AUP1: variants seen among roughly 807,000 people sequenced by gnomAD.
AUP1 encodes lipid droplet-regulating VLDL assembly factor AUP1.
AUP1 carries 30 observed loss-of-function variants against 51.8 expected under a neutral mutation model. The observed-to-expected ratio is 0.58, with a 90% CI of 0.43 to 0.79. The LOEUF (loss-of-function observed/expected upper bound fraction) is 0.79. Among genes scored for constraint, AUP1 ranks in the 30% least tolerant of loss-of-function variants. AUP1 has a pLI of 0.00. For synonymous variants in AUP1, 227 were observed against 209.0 expected, an observed-to-expected ratio of 1.09 and a Z score of -0.74; for missense variants, 492 against 517.1, an observed-to-expected ratio of 0.95 and a Z score of 0.47.
At chr2:74,527,640 T>A (rs901470464) in intron 8 of AUP1, 50 bp from the exon 9 acceptor site, 1 of 1,588,542 alleles carries the variant, frequency 6.3e-7, no homozygotes, top group Admixed American at 1.9e-5. Context: ...AGTAGAGAAC[T>A]AGAAGGAGAG....
rs1272635406 is a variant in AUP1, at chr2:74,529,173, A to G, written c.298T>C (p.Phe100Leu). ...RVLISNHVTP[F>L]DHNIVNLLTT... is the part of the protein sequence containing the mutation. ...AGCAAATTGACTATGTTGTGGTCGAAAGGTGTCACATGGTTGGAAATGAGG... is the reference window on the plus strand; with the variant it reads ...AGCAAATTGACTATGTTGTGGTCGAGAGGTGTCACATGGTTGGAAATGAGG... The change falls in exon 3 of 12, where the codon TTC becomes CTC. Residue 100 changes from phenylalanine (F) to leucine (L), a missense_variant. Physicochemically the swap from Phe to Leu is conservative, Grantham distance 22. Transcript: ENST00000377526. 1.2e-6 allele frequency: 2 copies of G among 1,614,184 alleles called. No homozygotes were observed. Among genetic ancestry groups the G allele is most frequent in the Non-Finnish European group, 1.7e-6 (2 of 1,180,016 alleles).
In AUP1 at chr2:74,526,788, G is replaced by T; in HGVS notation, c.*12C>A. The T allele has an allele frequency of 1.3e-6, 2 of 1,533,758 alleles. No individual in the cohort carries two copies. The highest frequency in any genetic ancestry group is 1.8e-6 in the Non-Finnish European group (2 of 1,140,174). ...GTCCTGCGGCTCTGGGTGCCATCCT[G>T]TTCCTTTGAGCTCAGTCAGCCTCCT... On this transcript the variant is annotated 3_prime_UTR_variant, in exon 12 of 12. Transcript: ENST00000377526.
rs771797848 is a variant in AUP1, at chr2:74,529,397, C to T, written c.153G>A (p.Leu51=). 1.1e-5 allele frequency: 17 copies of T among 1,604,036 alleles called. No homozygotes were observed. Among genetic ancestry groups the T allele is most frequent in the Non-Finnish European group, 1.4e-5 (16 of 1,175,102 alleles). ...CGCTGTCTGGCAGCGCGCAGCTGAC[C>T]AGGAAGACGTGGATCCCGAGAAAGA... ...LRLFLGIHVF[L]VSCALPDSVL... The change falls in exon 2 of 12, where the codon CTG becomes CTA. Residue 51 remains leucine, a synonymous_variant. Transcript: ENST00000377526.
In AUP1 at chr2:74,529,454, C is replaced by G. The variant is rs1415804148; in HGVS notation, c.96G>C (p.Ala32=). ...CFLLLVLLLY[A]PVGFCLLVLR... ...GGACGAGGAGGCAGAACCCGACTGGCGCGTAGAGCAGCAGCACGAGCAGTA... is the reference window on the plus strand; with the variant it reads ...GGACGAGGAGGCAGAACCCGACTGGGGCGTAGAGCAGCAGCACGAGCAGTA... Residue 32 remains alanine, a synonymous_variant, in exon 2 of 12, where the codon GCG becomes GCC. Coordinates refer to ENST00000377526, the MANE Select transcript of AUP1 (RefSeq NM_181575.5). 6.4e-7 allele frequency: 1 copy of G among 1,566,316 alleles called. No individual in the cohort carries two copies. Among genetic ancestry groups the G allele is most frequent in the Non-Finnish European group, 8.7e-7 (1 of 1,154,710 alleles).
intron 4 of AUP1, 40 bp from the exon 5 acceptor site, chr2:74,528,529 G>C: frequency 6.4e-7 from 1 of 1,558,774 alleles, no homozygotes. Flanking sequence ...AATCCAGCCA[G>C]CCTAGTCAGC....
chr2:74,527,603 GA>G lies in AUP1; in HGVS notation c.842-14del. 6.3e-7 allele frequency: 1 copy of G among 1,581,972 alleles called. No homozygotes were observed. Among genetic ancestry groups the G allele is most frequent in the Non-Finnish European group, 8.5e-7 (1 of 1,170,986 alleles). On this transcript the variant is annotated splice_polypyrimidine_tract_variant and intron_variant, in intron 8 of 11. Transcript: ENST00000377526. ...AAAGAAGACTGGGCTGTGGAAAAAG[GA>G]AAAAAAGAAAAAAGAAATTCTGGTA...
At chr2:74,528,210 C>A in intron 6 of AUP1, 38 bp downstream of exon 6, 1 of 1,589,022 alleles carries the variant, frequency 6.3e-7, no homozygotes, top group Non-Finnish European at 8.6e-7. Context: ...TTGAGGTGAG[C>A]CTCTCCCCAG....
chr2:74,526,688 G>T lies in AUP1; in HGVS notation c.*112C>A. 8.0e-7 allele frequency: 1 copy of T among 1,254,768 alleles called. No homozygotes were observed. The highest frequency in any genetic ancestry group is 1.1e-6 in the Non-Finnish European group (1 of 907,536). The allele number at this position is 1,254,768 out of a possible 1,614,324, so 77.7% of individuals were successfully genotyped here. ...CCATGAATTTAATGTGACATTGGGGGAGCCTCATCCTTCCCTTTTTACCAC... is the reference window on the plus strand; with the variant it reads ...CCATGAATTTAATGTGACATTGGGGTAGCCTCATCCTTCCCTTTTTACCAC... On this transcript the variant is annotated 3_prime_UTR_variant, in exon 12 of 12. Transcript: ENST00000377526.
Position 74,527,800 on chromosome 2 carries a change from G to T in AUP1, c.777C>A (p.Leu259=). 1 of 1,614,080 alleles carries T rather than the reference G, an allele frequency of 6.2e-7. No individual in the cohort carries two copies. The highest frequency in any genetic ancestry group is 8.5e-7 in the Non-Finnish European group (1 of 1,180,012). The part of the protein sequence containing the change: ...AKELGQTGTR[L]TPADKAEHMK... Reference sequence around the variant, plus strand: ...TGTGCTCTGCTTTGTCAGCTGGAGTGAGCCGTGTCCCTGTCTGGCCCAATT... The same window carrying T: ...TGTGCTCTGCTTTGTCAGCTGGAGTTAGCCGTGTCCCTGTCTGGCCCAATT... Residue 259 remains leucine (L), a synonymous_variant, in exon 8 of 12, where the codon CTC becomes CTA. Transcript: ENST00000377526.
Position 74,527,743 on chromosome 2 carries a change from G to A in AUP1, c.834C>T (p.Pro278=), listed in dbSNP as rs777426261. ...TGTATAGAGACCACATACCTGACTGGGGGCGCAATCTGGGGTGTCTTTGTC... is the reference window on the plus strand; with the variant it reads ...TGTATAGAGACCACATACCTGACTGAGGGCGCAATCTGGGGTGTCTTTGTC... ...MKRQRHPRLR[P]QSAQSSFPPS... The change falls in exon 8 of 12, where the codon CCC becomes CCT. Residue 278 remains proline, a synonymous_variant. Coordinates refer to ENST00000377526, the MANE Select transcript of AUP1 (RefSeq NM_181575.5). 23 of 1,613,842 alleles carry A rather than the reference G, an allele frequency of 1.4e-5. No individual in the cohort carries two copies. In the South Asian group the frequency reaches 2.2e-4, roughly 15 times the overall value.
At chr2:74,528,557 T>C (rs1675315045) in intron 4 of AUP1, 68 bp from the exon 5 acceptor site, 1 of 1,466,152 alleles carries the variant, frequency 6.8e-7, no homozygotes, top group Admixed American at 1.7e-5. Flanking sequence ...ACCTGCCTTA[T>C]AACAGGCAAC....
rs550569575 is a variant in AUP1, at chr2:74,528,448, G to A, written c.566C>T (p.Thr189Ile). ...GACCAGGGGTCTCTGAACTTGCAGG[G>A]TAAGAGGTTGTACCACATCTTGGAT... The part of the protein sequence containing the change: ...FSIQDVVQPL[T>I]LQVQRPLVSV... Residue 189 changes from threonine to isoleucine, a missense_variant, in exon 5 of 12, where the codon ACC becomes ATC. Thr to Ile is a moderately conservative substitution (Grantham distance 89). Coordinates refer to ENST00000377526, the MANE Select transcript of AUP1 (RefSeq NM_181575.5). 9.3e-6 allele frequency: 15 copies of A among 1,613,816 alleles called. No homozygotes were observed. In the South Asian group the frequency reaches 1.2e-4, roughly 13 times the overall value.
In AUP1 at chr2:74,529,276, T is replaced by G; in HGVS notation, c.195A>C (p.Val65=). 6.2e-7 allele frequency: 1 copy of G among 1,614,160 alleles called. No homozygotes were observed. The highest frequency in any genetic ancestry group is 8.5e-7 in the Non-Finnish European group (1 of 1,180,008). Residue 65 remains valine (V), a synonymous_variant, in exon 3 of 12, where the codon GTA becomes GTC. Transcript: ENST00000377526. ...ALPDSVLRRF[V]VRTMCAVLGL... is the part of the protein sequence containing the mutation. ...CTAGCACCGCACACATGGTCCGCAC[T>G]ACGAATCTGGGGACACAGGAGGTGG...
chr2:74,527,954 G>C lies in AUP1; in HGVS notation c.724C>G (p.Leu242Val), dbSNP rs1558606154. 2.5e-6 allele frequency: 4 copies of C among 1,614,088 alleles called. No homozygotes were observed. The highest frequency in any genetic ancestry group is 1.3e-5 in the African/African-American group (1 of 74,922). Residue 242 changes from leucine (L) to valine (V), a missense_variant, in exon 7 of 12, where the codon CTC (leucine) becomes GTC (valine). Leu to Val is a conservative substitution (Grantham distance 32, BLOSUM62 1). Coordinates refer to ENST00000377526, the MANE Select transcript of AUP1 (RefSeq NM_181575.5). The stretch of plus-strand genomic sequence containing the variant: ...CACCCGACCACCTGTTGTACACGGA[G>C]TGCAAACTCCTCATTCGCTTCCCCT... The part of the protein sequence containing the change: ...QLGEANEEFA[L>V]RVQQLVAKEL...
intron 11 of AUP1, 23 bp downstream of exon 11, chr2:74,526,918 T>A (rs1675212889): frequency 6.2e-7 from 1 of 1,612,258 alleles, no homozygotes; most frequent in Admixed American, 1.7e-5. Flanking sequence ...CACATCCTAT[T>A]AATTGTCCTC....
chr2:74,529,655 C>G lies in AUP1; in HGVS notation c.-26G>C. The G allele has an allele frequency of 6.5e-7, 1 of 1,546,602 alleles. No homozygotes were observed. The highest frequency in any genetic ancestry group is 8.7e-7 in the Non-Finnish European group (1 of 1,148,336). Reference sequence around the variant, plus strand: ...AACTGCTGCTTCAGGAGCGCCCGGCCGTCGCCGCCGCCGCCATTTTCGCGC... The same window carrying G: ...AACTGCTGCTTCAGGAGCGCCCGGCGGTCGCCGCCGCCGCCATTTTCGCGC... On this transcript the variant is annotated 5_prime_UTR_variant, in exon 1 of 12. Coordinates refer to ENST00000377526, the MANE Select transcript of AUP1 (RefSeq NM_181575.5).
Position 74,529,441 on chromosome 2 carries a change from A to T in AUP1, c.109T>A (p.Cys37Ser), listed in dbSNP as rs1180105016. Reference protein sequence around the residue: ...VLLLYAPVGFCLLVLRLFLGI... With the variant: ...VLLLYAPVGFSLLVLRLFLGI... ...AGAAAGAGGCGCAGGACGAGGAGGCAGAACCCGACTGGCGCGTAGAGCAGC... is the reference window on the plus strand; with the variant it reads ...AGAAAGAGGCGCAGGACGAGGAGGCTGAACCCGACTGGCGCGTAGAGCAGC... The change falls in exon 2 of 12, where the codon TGC becomes AGC. Residue 37 changes from cysteine to serine, a missense_variant. Cys to Ser is a moderately radical substitution (Grantham distance 112). Transcript: ENST00000377526. 2 of 1,574,356 alleles carry T rather than the reference A, an allele frequency of 1.3e-6. No homozygotes were observed. Among genetic ancestry groups the T allele is most frequent in the Non-Finnish European group, 1.7e-6 (2 of 1,159,034 alleles).
At chr2:74,527,181 T>C in intron 10 of AUP1, 67 bp downstream of exon 10, 1 of 1,599,622 alleles carries the variant, frequency 6.3e-7, no homozygotes, top group South Asian at 1.1e-5. Context: ...AGGTCAGGGA[T>C]AAGGGAGTAC....
rs755362128 is a variant in AUP1 at position 74,528,446 on chromosome 2, G to T, written c.568C>A (p.Leu190Met). The change falls in exon 5 of 12, where the codon CTG becomes ATG. Residue 190 changes from leucine to methionine, a missense_variant. By Grantham distance (15) the Leu-to-Met change is conservative (BLOSUM62 2). Transcript: ENST00000377526. Reference protein sequence around the residue: ...SIQDVVQPLTLQVQRPLVSVT... With the variant: ...SIQDVVQPLTMQVQRPLVSVT... ...GAGACCAGGGGTCTCTGAACTTGCAGGGTAAGAGGTTGTACCACATCTTGG... is the reference window on the plus strand; with the variant it reads ...GAGACCAGGGGTCTCTGAACTTGCATGGTAAGAGGTTGTACCACATCTTGG... 4 of 1,613,850 alleles carry T rather than the reference G, an allele frequency of 2.5e-6. No individual in the cohort carries two copies. The Admixed American group carries it at 5.0e-5, about 20-fold the overall frequency.
Sources: allele counts gnomAD v4.1 joint callset, GRCh38; gene constraint gnomAD v4.1.1; transcripts MANE v1.5; gene names NCBI Gene and HGNC (gene_info 2026-07-23, HGNC 2026-07-21).